The following C17orf67 variants were observed in gnomAD, a reference collection of about 807,000 sequenced individuals.
C17orf67 encodes the protein chromosome 17 open reading frame 67.
A neutral mutation model predicts 11.2 loss-of-function variants in C17orf67; 12 were observed. The ratio of observed to expected loss-of-function variants is 1.07; its 90% CI spans 0.68 to 1.73. The LOEUF (loss-of-function observed/expected upper bound fraction) is 1.73. C17orf67 is among the 40% of genes most tolerant of loss of function. C17orf67 has a pLI of 0.00. For missense variants in C17orf67, 115 were observed against 113.5 expected, an observed-to-expected ratio of 1.01 and a Z score of -0.06; for synonymous variants, 59 against 46.9, an observed-to-expected ratio of 1.26 and a Z score of -1.05.
chr17:56,803,110 C>A (rs1905361954), intron 6 of C17orf67, among the ~76,000 whole-genome samples: 1 of 152,102 alleles, frequency 6.6e-6, no homozygotes, highest in Non-Finnish European at 1.5e-5. Context: ...ATAGAGTGAC[C>A]CAAAAGGGCA....
chr17:56,793,081 A>G (rs1905147902), intron 7 of C17orf67, among the ~76,000 whole-genome samples: 1 of 151,788 alleles, frequency 6.6e-6, no homozygotes, highest in African/African-American at 2.4e-5. Context: ...GGACGAGTAG[A>G]CCAAGGAAGA....
At chr17:56,806,178 G>A (rs554119265) in intron 6 of C17orf67, among the ~76,000 whole-genome samples, 2 of 151,990 alleles carry the variant, frequency 1.3e-5, no homozygotes, top group South Asian at 4.2e-4. Flanking sequence ...GTTTCACTAT[G>A]TTAGCCAGGA....
intron 2 of C17orf67, among the ~76,000 whole-genome samples, chr17:56,825,570 G>A (rs1410004922): frequency 6.6e-6 from 1 of 152,040 alleles, no homozygotes; most frequent in East Asian, 1.9e-4. Context: ...AACTAAATCT[G>A]AGAATCTAAG....
At chr17:56,795,248 T>C (rs576853981) in intron 6 of C17orf67, 68 bp from the exon 7 acceptor site, 22 of 1,420,244 alleles carry the variant, frequency 1.5e-5, no homozygotes, top group Non-Finnish European at 2.0e-5. Context: ...ATATGCGTGG[T>C]GTGGCTCTGG....
At position 56,829,140 on chromosome 17, in the gene C17orf67, G is replaced by T. The variant is rs111352372; in HGVS notation, c.-557+3758C>A. ...ACAATACAAAAATTAGCCAGGCATG[G>T]TGGCGGGCGCCTGTAATCCCAGCTA... On this transcript the variant is annotated intron_variant, in intron 2 of 7. Coordinates refer to ENST00000397861, the MANE Select transcript of C17orf67 (RefSeq NM_001085430.4). Among the ~76,000 whole-genome samples, 723 of 152,220 alleles carry T rather than the reference G, an allele frequency of 4.7e-3. 3 individuals are homozygous for T. The highest frequency in any genetic ancestry group is 0.016 in the African/African-American group (685 of 41,522).
chr17:56,820,768 T>C (rs1410171334), intron 4 of C17orf67, among the ~76,000 whole-genome samples: 3 of 96,254 alleles, frequency 3.1e-5, no homozygotes, highest in African/African-American at 8.1e-5. Context: ...TGAGTTTCCC[T>C]TTTTTTTTTT....
chr17:56,817,389 G>GA (rs1567798211), intron 4 of C17orf67, among the ~76,000 whole-genome samples: 2 of 151,370 alleles, frequency 1.3e-5, no homozygotes, highest in Admixed American at 6.6e-5. Context: ...TTGTAAACAA[G>GA]AAAAAAAAGA....
chr17:56,826,983 G>A (rs1906054991), intron 2 of C17orf67, among the ~76,000 whole-genome samples: 1 of 152,242 alleles, frequency 6.6e-6, no homozygotes, highest in African/African-American at 2.4e-5. Flanking sequence ...CTGGCGCTCT[G>A]CACAAGCTGT....
intron 2 of C17orf67, among the ~76,000 whole-genome samples, chr17:56,828,528 ATGT>A (rs1435306880): frequency 6.6e-6 from 1 of 152,286 alleles, no homozygotes; most frequent in Non-Finnish European, 1.5e-5. Context: ...AACTTTTTTG[ATGT>A]TGTTTATATT....
rs1474929259 is a variant in C17orf67 at position 56,833,221 on chromosome 17, C to T, written c.-880G>A. On this transcript the variant is annotated 5_prime_UTR_variant, in exon 2 of 8. Coordinates refer to ENST00000397861, the MANE Select transcript of C17orf67 (RefSeq NM_001085430.4). ...TCGGGGGTGCTGAGCAGCGGTGCTT[C>T]CGCGTCCGCGTTCTCCGGGTAGCTG... is the stretch of plus-strand genomic sequence containing the variant. The T allele has an allele frequency of 6.5e-6, 1 of 153,708 alleles. No homozygotes were observed. Among genetic ancestry groups the T allele is most frequent in the African/African-American group, 2.4e-5 (1 of 41,478 alleles). 9.5% of individuals were successfully genotyped at this position (153,708 alleles called of 1,614,324 possible). A position where few individuals can be genotyped will look rare whatever the true frequency, so the allele number is the denominator to read the frequency against.
Position 56,797,378 on chromosome 17 carries a change from A to C in C17orf67, c.157-2198T>G, listed in dbSNP as rs1453923411. Reference sequence around the variant, plus strand: ...TTGGGGGCACAGCACAACCTTTGCAAGGCAAGGAGGGAACAGGGAACAAAC... The same window carrying C: ...TTGGGGGCACAGCACAACCTTTGCACGGCAAGGAGGGAACAGGGAACAAAC... On this transcript the variant is annotated intron_variant, in intron 6 of 7. Transcript: ENST00000397861. 2.0e-5 allele frequency among the ~76,000 whole-genome samples: 3 copies of C among 152,018 alleles called. No individual in the cohort carries two copies. In the East Asian group the frequency reaches 5.8e-4, roughly 29 times the overall value.
intron 4 of C17orf67, 32 bp from the exon 5 acceptor site, chr17:56,816,042 A>T (rs1905754554): frequency 2.8e-6 from 2 of 708,468 alleles, no homozygotes; most frequent in Non-Finnish European, 4.2e-6. Flanking sequence ...CTGTAATATG[A>T]CTTTCAGAGC....
chr17:56,815,926 G>C lies in C17orf67; in HGVS notation c.-116C>G, dbSNP rs764278985. ...TTATGCTTTGACTAACGGGACTTAC[G>C]GTATGATGCTGAATGTATCTGACTC... On this transcript the variant is annotated 5_prime_UTR_variant, in exon 5 of 8. Coordinates refer to ENST00000397861, the MANE Select transcript of C17orf67 (RefSeq NM_001085430.4). 1.3e-6 allele frequency: 2 copies of C among 1,565,822 alleles called. No homozygotes were observed. The highest frequency in any genetic ancestry group is 1.7e-6 in the Non-Finnish European group (2 of 1,151,142).
intron 6 of C17orf67, among the ~76,000 whole-genome samples, chr17:56,796,285 G>A (rs1428022110): frequency 6.6e-6 from 1 of 152,112 alleles, no homozygotes. Context: ...AAAACCAGAA[G>A]CAACCCAAAT....
chr17:56,800,152 G>A (rs188524212), intron 6 of C17orf67, among the ~76,000 whole-genome samples: 275 of 136,582 alleles, frequency 2.0e-3, no homozygotes, highest in African/African-American at 6.8e-3. Flanking sequence ...TGCAAGCTCC[G>A]CTTCCCGGGT....
intron 2 of C17orf67, among the ~76,000 whole-genome samples, chr17:56,830,113 G>GT (rs1386240866): frequency 6.6e-6 from 1 of 152,062 alleles, no homozygotes. Flanking sequence ...GGAGGCTGAG[G>GT]CAGGCGGATC....
chr17:56,809,882 TCACA>T (rs1259677059), intron 6 of C17orf67, among the ~76,000 whole-genome samples: 7 of 106,206 alleles, frequency 6.6e-5, no homozygotes, highest in African/African-American at 1.5e-4. Flanking sequence ...CACACACCTC[TCACA>T]CACACCCCTT....
At chr17:56,832,022 A>T (rs1906218350) in intron 2 of C17orf67, among the ~76,000 whole-genome samples, 1 of 152,000 alleles carries the variant, frequency 6.6e-6, no homozygotes, top group African/African-American at 2.4e-5. Context: ...ATCTCAGCTC[A>T]CTGCAACCTC....
chr17:56,825,469 A>T (rs746703650), intron 2 of C17orf67, 148 bp from the exon 3 acceptor site: 2 of 152,230 alleles, frequency 1.3e-5, no homozygotes, highest in African/African-American at 2.4e-5. Flanking sequence ...GTCCCTACAC[A>T]GGTAAATTTT....
Sources: allele counts gnomAD v4.1 joint callset (sites outside exome capture counted in the v4.1 genomes callset), GRCh38; gene constraint gnomAD v4.1.1; transcripts MANE v1.5; gene names NCBI Gene and HGNC (gene_info 2026-07-23, HGNC 2026-07-21).